The following LRRTM4 variants were observed in gnomAD, a reference collection of about 807,000 sequenced individuals.
LRRTM4 encodes the protein leucine-rich repeat transmembrane neuronal protein 4.
A neutral mutation model predicts 47.6 loss-of-function variants in LRRTM4; 25 were observed. The ratio of observed to expected loss-of-function variants is 0.53; its 90% CI spans 0.38 to 0.73. LRRTM4 has a LOEUF of 0.73. Ranked by LOEUF, LRRTM4 falls within the 30% of genes least tolerant of loss-of-function variation. LRRTM4 has a pLI of 0.00. For synonymous variants in LRRTM4, 311 were observed against 269.5 expected (o/e 1.15, Z -1.51); for missense variants, 638 against 713.4 (o/e 0.89, Z 1.20).
intron 3 of LRRTM4, among the ~76,000 whole-genome samples, chr2:76,816,086 A>T (rs1670888323): frequency 6.6e-6 from 1 of 152,076 alleles, no homozygotes; most frequent in South Asian, 2.1e-4. Context: ...CAAATTCACA[A>T]GTCTGTACTG....
chr2:76,963,472 A>C (rs1161743763), intron 3 of LRRTM4, among the ~76,000 whole-genome samples: 1 of 150,954 alleles, frequency 6.6e-6, no homozygotes, highest in East Asian at 2.0e-4. Flanking sequence ...ACGTAATATA[A>C]ACACATATGG....
chr2:77,015,144 T>C (rs1678013058), intron 3 of LRRTM4, among the ~76,000 whole-genome samples: 2 of 152,022 alleles, frequency 1.3e-5, no homozygotes, highest in African/African-American at 4.8e-5. Flanking sequence ...TCCCTGTGCA[T>C]AGCAGCTTTG....
chr2:77,104,493 T>TAAA (rs928203930), intron 3 of LRRTM4, among the ~76,000 whole-genome samples: 3 of 152,188 alleles, frequency 2.0e-5, no homozygotes, highest in African/African-American at 7.2e-5. Context: ...GGTATTCCTT[T>TAAA]AGGACAACTA....
intron 3 of LRRTM4, among the ~76,000 whole-genome samples, chr2:77,179,702 G>C (rs879846204): frequency 6.6e-6 from 1 of 152,022 alleles, no homozygotes; most frequent in Non-Finnish European, 1.5e-5. Flanking sequence ...AAAAAGATGA[G>C]AATAAGAGCC....
At chr2:77,245,038 T>C (rs1164377361) in intron 3 of LRRTM4, among the ~76,000 whole-genome samples, 1 of 152,140 alleles carries the variant, frequency 6.6e-6, no homozygotes, top group African/African-American at 2.4e-5. Context: ...ACCTAAAGTA[T>C]AGGATTATGG....
At chr2:77,166,473 A>G (rs1363523952) in intron 3 of LRRTM4, among the ~76,000 whole-genome samples, 1 of 152,190 alleles carries the variant, frequency 6.6e-6, no homozygotes, top group Non-Finnish European at 1.5e-5. Context: ...TTCATATGGA[A>G]GCAAAAAAGA....
chr2:76,819,306 T>G (rs1670991088), intron 3 of LRRTM4, among the ~76,000 whole-genome samples: 1 of 151,768 alleles, frequency 6.6e-6, no homozygotes, highest in East Asian at 1.9e-4. Context: ...GGAAACTGAA[T>G]CATGGAGAAG....
At chr2:76,820,558 G>T (rs143107007) in intron 3 of LRRTM4, among the ~76,000 whole-genome samples, 4 of 151,840 alleles carry the variant, frequency 2.6e-5, no homozygotes, top group African/African-American at 9.6e-5. Flanking sequence ...ATAAAAAAAT[G>T]ATGGATTCAG....
At chr2:76,980,948 C>G (rs1339374658) in intron 3 of LRRTM4, among the ~76,000 whole-genome samples, 1 of 152,062 alleles carries the variant, frequency 6.6e-6, no homozygotes, top group African/African-American at 2.4e-5. Context: ...GTGATCTTAT[C>G]TACCTGGTTA....
intron 3 of LRRTM4, among the ~76,000 whole-genome samples, chr2:77,069,874 T>C (rs1680093682): frequency 6.6e-6 from 1 of 152,218 alleles, no homozygotes. Flanking sequence ...AGCTTTTGGC[T>C]TGTCTTTTCT....
chr2:77,374,088 A>G (rs1672744524), intron 3 of LRRTM4, among the ~76,000 whole-genome samples: 1 of 151,798 alleles, frequency 6.6e-6, no homozygotes, highest in African/African-American at 2.4e-5. Flanking sequence ...CTGCCTGTCT[A>G]CCATTTCTAC....
intron 3 of LRRTM4, among the ~76,000 whole-genome samples, chr2:77,362,342 G>A (rs1672276334): frequency 6.6e-6 from 1 of 152,078 alleles, no homozygotes; most frequent in Non-Finnish European, 1.5e-5. Context: ...TGAGACTGGT[G>A]TGCCTAAGTA....
At chr2:77,307,092 G>A (rs990493237) in intron 3 of LRRTM4, among the ~76,000 whole-genome samples, 20 of 151,566 alleles carry the variant, frequency 1.3e-4, no homozygotes, top group African/African-American at 4.1e-4. Flanking sequence ...AGTAGAGACG[G>A]GGTTTCACTG....
intron 3 of LRRTM4, among the ~76,000 whole-genome samples, chr2:76,789,123 A>C (rs938830138): frequency 3.9e-5 from 6 of 152,154 alleles, no homozygotes; most frequent in Admixed American, 3.9e-4. Flanking sequence ...GTTCCAGCCC[A>C]CGCTGCACTC....
intron 3 of LRRTM4, among the ~76,000 whole-genome samples, chr2:76,837,304 AT>A (rs1444481013): frequency 6.6e-6 from 1 of 151,808 alleles, no homozygotes; most frequent in Non-Finnish European, 1.5e-5. Flanking sequence ...CGGTCTATCA[AT>A]TTTGTTGATC....
intron 3 of LRRTM4, among the ~76,000 whole-genome samples, chr2:77,007,197 C>T (rs1469840975): frequency 6.6e-6 from 1 of 151,616 alleles, no homozygotes; most frequent in South Asian, 2.1e-4. Context: ...TATATATATG[C>T]ACACACAAGA....
intron 3 of LRRTM4, among the ~76,000 whole-genome samples, chr2:77,475,620 C>T (rs1232153559): frequency 6.6e-6 from 1 of 151,712 alleles, no homozygotes; most frequent in African/African-American, 2.4e-5. Flanking sequence ...AAATAATATA[C>T]ATATTTTAAA....
intron 3 of LRRTM4, among the ~76,000 whole-genome samples, chr2:76,804,748 T>G (rs954252645): frequency 8.6e-6 from 1 of 115,780 alleles, no homozygotes; most frequent in African/African-American, 2.7e-5. Context: ...TATATATATA[T>G]CATTGTTTTA....
chr2:77,514,284 T>C (rs1679129297), intron 3 of LRRTM4, among the ~76,000 whole-genome samples: 1 of 152,058 alleles, frequency 6.6e-6, no homozygotes, highest in Non-Finnish European at 1.5e-5. Flanking sequence ...GTCCTCTTTA[T>C]ATATACATTA....
Sources: gnomAD v4.1 joint callset for allele counts (sites outside exome capture counted in the v4.1 genomes callset) on GRCh38, gnomAD v4.1.1 for gene constraint, MANE v1.5 for transcripts, NCBI Gene and HGNC (gene_info 2026-07-23, HGNC 2026-07-21) for gene names.